SORCS2: variants seen among roughly 807,000 people sequenced by gnomAD.
SORCS2 encodes VPS10 domain-containing receptor SorCS2.
Under a neutral mutation model 141.6 loss-of-function variants are expected in SORCS2, and 100 were observed. The ratio of observed to expected loss-of-function variants is 0.71; its 90% CI spans 0.60 to 0.83. The LOEUF is 0.83. Among genes scored for constraint, SORCS2 ranks in the 40% least tolerant of loss-of-function variants. SORCS2 has a pLI of 0.00. For missense variants in SORCS2, 1,646 were observed against 1,560.2 expected (o/e 1.05, Z -0.93); for synonymous variants, 789 against 676.9 (o/e 1.17, Z -2.57).
At position 7,419,654 on chromosome 4, in the gene SORCS2, G is replaced by A. The variant is rs568036244; in HGVS notation, c.548+23299G>A. Among the ~76,000 whole-genome samples the A allele has an allele frequency of 7.2e-5, 11 of 152,148 alleles. 1 individual carries two copies. Among genetic ancestry groups the A allele is most frequent in the Admixed American group, 5.9e-4 (9 of 15,282 alleles). ...CTGTAAACACTGGTGTTTTGAGTCA[G>A]CCTTCTTCCAAGGCGAGCTGGTGTC... On this transcript the variant is annotated intron_variant, in intron 2 of 26. Coordinates refer to ENST00000507866, the MANE Select transcript of SORCS2 (RefSeq NM_020777.3).
At chr4:7,652,485 A>T (rs928018082) in intron 4 of SORCS2, among the ~76,000 whole-genome samples, 3 of 152,020 alleles carry the variant, frequency 2.0e-5, no homozygotes, top group African/African-American at 7.2e-5. Context: ...GACCTGGGGC[A>T]CTGACCCGTG....
chr4:7,699,133 G>A (rs1724892732), intron 12 of SORCS2, among the ~76,000 whole-genome samples: 1 of 152,188 alleles, frequency 6.6e-6, no homozygotes, highest in Non-Finnish European at 1.5e-5. Context: ...CAGAGCCCCT[G>A]GCTGAAACTC....
At chr4:7,557,513 T>G (rs1008184318) in intron 3 of SORCS2, among the ~76,000 whole-genome samples, 2 of 152,234 alleles carry the variant, frequency 1.3e-5, no homozygotes, top group African/African-American at 4.8e-5. Flanking sequence ...ATCACACTTT[T>G]AAGTAGATAG....
At chr4:7,508,947 G>A (rs1460406349) in intron 2 of SORCS2, among the ~76,000 whole-genome samples, 5 of 151,812 alleles carry the variant, frequency 3.3e-5, no homozygotes, top group African/African-American at 1.2e-4. Context: ...TTTCCCTGGG[G>A]ACAAGGGTGG....
At position 7,554,234 on chromosome 4, in the gene SORCS2, C is replaced by A. The variant is rs183434717; in HGVS notation, c.648+22605C>A. On this transcript the variant is annotated intron_variant, in intron 3 of 26. Coordinates refer to ENST00000507866, the MANE Select transcript of SORCS2 (RefSeq NM_020777.3). ...AGCTGCACCCACTTTCAAATACTCC[C>A]CAGAGTCTGGCAGGATGCACTCCCA... Among the ~76,000 whole-genome samples the A allele has an allele frequency of 3.3e-3, 505 of 152,276 alleles. 8 individuals are homozygous for A. The highest frequency in any genetic ancestry group is 0.011 in the African/African-American group (476 of 41,548).
intron 1 of SORCS2, among the ~76,000 whole-genome samples, chr4:7,388,842 G>T (rs571898536): frequency 6.6e-6 from 1 of 152,164 alleles, no homozygotes; most frequent in African/African-American, 2.4e-5. Context: ...CACCCCCGGC[G>T]ATCCCCCCAG....
intron 2 of SORCS2, among the ~76,000 whole-genome samples, chr4:7,407,540 T>A (rs1361794965): frequency 1.3e-5 from 2 of 152,082 alleles, no homozygotes; most frequent in Non-Finnish European, 2.9e-5. Context: ...AATAACTTTT[T>A]CCAGCCCATC....
chr4:7,344,917 G>C (rs1370771219), intron 1 of SORCS2, among the ~76,000 whole-genome samples: 3 of 152,144 alleles, frequency 2.0e-5, no homozygotes, highest in Non-Finnish European at 4.4e-5. Context: ...TGGCTGTGCT[G>C]TGCAGCTCTG....
intron 2 of SORCS2, among the ~76,000 whole-genome samples, chr4:7,481,603 C>T (rs1240634228): frequency 6.6e-6 from 1 of 152,092 alleles, no homozygotes; most frequent in Non-Finnish European, 1.5e-5. Context: ...GAGGAGTCTG[C>T]TGAGGCTCTG....
intron 1 of SORCS2, among the ~76,000 whole-genome samples, chr4:7,226,423 C>A (rs1175110036): frequency 6.6e-6 from 1 of 152,154 alleles, no homozygotes. Flanking sequence ...CAGTGTGTGC[C>A]CCATAGCTCA....
chr4:7,374,187 C>CTTTCT (rs1553850695), intron 1 of SORCS2, among the ~76,000 whole-genome samples: 13 of 133,652 alleles, frequency 9.7e-5, no homozygotes, highest in African/African-American at 3.6e-4. Flanking sequence ...TTCTTTCTTT[C>CTTTCT]TTTCTTTCTT....
Position 7,724,126 on chromosome 4 carries a change from G to C in SORCS2, c.2611+243G>C, listed in dbSNP as rs867413330. On this transcript the variant is annotated intron_variant, in intron 19 of 26. Coordinates refer to ENST00000507866, the MANE Select transcript of SORCS2 (RefSeq NM_020777.3). Reference sequence around the variant, plus strand: ...TGATAGTGGTGGTGATGGTGGTGGTGGTGGTGGTGGTGGTGATGGTCGTGG... The same window carrying C: ...TGATAGTGGTGGTGATGGTGGTGGTCGTGGTGGTGGTGGTGATGGTCGTGG... Among the ~76,000 whole-genome samples the C allele has an allele frequency of 8.1e-3, 1,122 of 138,994 alleles. 16 individuals carry two copies. Among genetic ancestry groups the C allele is most frequent in the African/African-American group, 0.031 (1,053 of 33,504 alleles). The allele number at this position is 138,994 out of a possible 152,430, so 91.2% of individuals were successfully genotyped here.
At chr4:7,597,285 C>G (rs1422339392) in intron 3 of SORCS2, among the ~76,000 whole-genome samples, 2 of 143,278 alleles carry the variant, frequency 1.4e-5, no homozygotes, top group Non-Finnish European at 3.0e-5. Context: ...AGAGGAGGGG[C>G]GATTGCAATC....
At chr4:7,580,751 G>T (rs185809286) in intron 3 of SORCS2, among the ~76,000 whole-genome samples, 1 of 152,160 alleles carries the variant, frequency 6.6e-6, no homozygotes, top group Non-Finnish European at 1.5e-5. Context: ...TGTGTGGCAA[G>T]AATATGAATC....
At chr4:7,213,447 A>G (rs114892213) in intron 1 of SORCS2, among the ~76,000 whole-genome samples, 17 of 152,264 alleles carry the variant, frequency 1.1e-4, no homozygotes, top group African/African-American at 4.1e-4. Context: ...GAAATGGTGC[A>G]GACAGCAAAT....
At chr4:7,298,460 C>T (rs761229385) in intron 1 of SORCS2, among the ~76,000 whole-genome samples, 2 of 152,176 alleles carry the variant, frequency 1.3e-5, no homozygotes, top group African/African-American at 4.8e-5. Context: ...GTGCCGGGAG[C>T]TTCCTTTGGC....
intron 2 of SORCS2, among the ~76,000 whole-genome samples, chr4:7,397,833 G>A (rs780503332): frequency 1.9e-4 from 29 of 152,172 alleles, no homozygotes; most frequent in South Asian, 6.2e-4. Flanking sequence ...TGGGTTCCTC[G>A]GTGACAAAGC....
chr4:7,587,592 T>C (rs1002250063), intron 3 of SORCS2, among the ~76,000 whole-genome samples: 18 of 152,080 alleles, frequency 1.2e-4, no homozygotes, highest in Non-Finnish European at 7.4e-5. Flanking sequence ...GCCCATGGGG[T>C]TTCCATAGAG....
At chr4:7,398,748 T>C (rs925875261) in intron 2 of SORCS2, among the ~76,000 whole-genome samples, 1 of 152,266 alleles carries the variant, frequency 6.6e-6, no homozygotes, top group African/African-American at 2.4e-5. Flanking sequence ...ATTTCTTTTA[T>C]GGCTGTTACG....
Sources: gnomAD v4.1 joint callset for allele counts (sites outside exome capture counted in the v4.1 genomes callset) on GRCh38, gnomAD v4.1.1 for gene constraint, MANE v1.5 for transcripts, NCBI Gene and HGNC (gene_info 2026-07-23, HGNC 2026-07-21) for gene names.